Variants in OPA1 observed in about 807,000 individuals in gnomAD.
OPA1 encodes the protein dynamin-like GTPase OPA1, mitochondrial.
In OPA1, 59 loss-of-function variants were observed where a neutral mutation model predicts 152.9. The observed-to-expected ratio is 0.39, with a 90% CI of 0.31 to 0.48. The LOEUF (loss-of-function observed/expected upper bound fraction) is 0.48, where lower values mean the gene tolerates loss of function less well. Ranked by LOEUF, OPA1 falls within the 20% of genes least tolerant of loss-of-function variation. The pLI is 0.96. For synonymous variants in OPA1, 400 were observed against 389.9 expected (o/e 1.03, Z -0.31); for missense variants, 1,008 against 1,216.8 (o/e 0.83, Z 2.55).
intron 29 of OPA1, among the ~76,000 whole-genome samples, chr3:193,672,513 A>G (rs1718148472): frequency 6.6e-6 from 1 of 152,202 alleles, no homozygotes; most frequent in Admixed American, 6.5e-5. Context: ...GCGTGTAATC[A>G]GAGACTTATT....
At position 193,657,118 on chromosome 3, in the gene OPA1, T is replaced by C. The variant is rs1189876603; in HGVS notation, c.2217T>C (p.Phe739=). ...CCCTACAAGAAGAATTTTCCCGCTT[T>C]ATGACAGAACCGAAAGGGAAAGAGC... ...WETLQEEFSR[F]MTEPKGKEHD... Residue 739 remains phenylalanine (F), a synonymous_variant, in exon 23 of 31, where the codon TTT becomes TTC. Coordinates refer to ENST00000361510, the MANE Select transcript of OPA1 (RefSeq NM_130837.3). 2.5e-6 allele frequency: 4 copies of C among 1,613,980 alleles called. No individual in the cohort carries two copies. The highest frequency in any genetic ancestry group is 1.7e-5 in the Admixed American group (1 of 60,012).
Position 193,654,924 on chromosome 3 carries a change from A to G in OPA1, c.2075A>G (p.Tyr692Cys), listed in dbSNP as rs1207347731. ...TCAACTCATGTGATTGAAAACATCT[A>G]CCTTCCAGCTGCGCAGACCATGAAT... Reference protein sequence around the residue: ...RVSTHVIENIYLPAAQTMNSG... With the variant: ...RVSTHVIENICLPAAQTMNSG... The change falls in exon 22 of 31, where the codon TAC (tyrosine) becomes TGC (cysteine). Residue 692 changes from tyrosine to cysteine, a missense_variant. Physicochemically the swap from Tyr to Cys is radical, Grantham distance 194. Transcript: ENST00000361510. 6.2e-7 allele frequency: 1 copy of G among 1,613,946 alleles called. No individual in the cohort carries two copies. The highest frequency in any genetic ancestry group is 8.5e-7 in the Non-Finnish European group (1 of 1,179,912).
At chr3:193,646,799 A>G (rs907766266) in intron 18 of OPA1, among the ~76,000 whole-genome samples, 4 of 152,260 alleles carry the variant, frequency 2.6e-5, no homozygotes, top group Admixed American at 2.0e-4. Context: ...AAAATATAAC[A>G]TTAAATTTAA....
In OPA1 at chr3:193,618,438, A is replaced by G. The variant is rs572223047; in HGVS notation, c.611-431A>G. On this transcript the variant is annotated intron_variant, in intron 5 of 30. Transcript: ENST00000361510. ...GGTTGCAGTGAGCCAAGATCGCGCC[A>G]CTGCACTCCAGCCTGGGCGACAGAG... 2.6e-5 allele frequency among the ~76,000 whole-genome samples: 4 copies of G among 151,986 alleles called. No individual in the cohort carries two copies. In the South Asian group the frequency reaches 8.3e-4, roughly 32 times the overall value.
At chr3:193,643,273 G>C in intron 13 of OPA1, 100 bp from the exon 14 acceptor site, 1 of 979,000 alleles carries the variant, frequency 1.0e-6, no homozygotes, top group Non-Finnish European at 1.6e-6. Flanking sequence ...TATCTGAATG[G>C]ATGAGATATA....
chr3:193,635,119 C>T (rs1222806391), intron 8 of OPA1, among the ~76,000 whole-genome samples: 2 of 152,172 alleles, frequency 1.3e-5, no homozygotes, highest in African/African-American at 4.8e-5. Flanking sequence ...TATTTAAGAA[C>T]TACTTCTTTA....
chr3:193,647,310 T>C (rs1475335956), intron 19 of OPA1, 130 bp downstream of exon 19: 1 of 681,434 alleles, frequency 1.5e-6, no homozygotes, highest in Non-Finnish European at 2.6e-6. Context: ...TTAGACAGTA[T>C]CTGGAAAATA....
rs556711091 is a variant in OPA1 at position 193,664,980 on chromosome 3, A to G, written c.2762A>G (p.His921Arg). ...CRRGFYYYQRHFVDSELECND... is the reference protein window; with the variant it reads ...CRRGFYYYQRRFVDSELECND... ...AGAGGTTTTTATTACTACCAAAGGC[A>G]TTTTGTAGATTCTGAGGTAAGGTTT... is the stretch of plus-strand genomic sequence containing the variant. Residue 921 changes from histidine to arginine, a missense_variant, in exon 27 of 31, where the codon CAT becomes CGT. By Grantham distance (29) the His-to-Arg change is conservative. This residue lies in a region of OPA1 where 137 missense variants were observed against 171.0 expected (regional missense o/e 0.80). Coordinates refer to ENST00000361510, the MANE Select transcript of OPA1 (RefSeq NM_130837.3). 2 of 1,573,484 alleles carry G rather than the reference A, an allele frequency of 1.3e-6. No individual in the cohort carries two copies. The highest frequency in any genetic ancestry group is 4.5e-5 in the East Asian group (2 of 44,510).
At chr3:193,690,131 A>T (rs114779003) in intron 29 of OPA1, among the ~76,000 whole-genome samples, 2 of 152,082 alleles carry the variant, frequency 1.3e-5, no homozygotes, top group African/African-American at 4.8e-5. Context: ...TCTGCTGTTT[A>T]AAAAATGGAA....
In OPA1 at chr3:193,642,680, A is replaced by G. The variant is rs1733966098; in HGVS notation, c.1150-85A>G. ...GACTCTTGGATTTGTGCAATGCAGT[A>G]GCCCTGTCTAGACCACATACGGGCT... On this transcript the variant is annotated intron_variant, in intron 11 of 30. Transcript: ENST00000361510. 4.0e-6 allele frequency: 4 copies of G among 991,590 alleles called. No homozygotes were observed. In the South Asian group the frequency reaches 5.2e-5, roughly 13 times the overall value. The allele number at this position is 991,590 out of a possible 1,614,324, so 61.4% of individuals were successfully genotyped here. A position where few individuals can be genotyped will look rare whatever the true frequency, so the allele number is the denominator to read the frequency against.
At chr3:193,672,864 A>T (rs1718236660) in intron 29 of OPA1, among the ~76,000 whole-genome samples, 1 of 50,096 alleles carries the variant, frequency 2.0e-5, no homozygotes, top group African/African-American at 7.7e-5. Context: ...GCGAGACTCC[A>T]TCTCAAAAAA....
chr3:193,678,127 T>C (rs764427082), intron 29 of OPA1, among the ~76,000 whole-genome samples: 9 of 152,232 alleles, frequency 5.9e-5, no homozygotes, highest in Non-Finnish European at 1.0e-4. Flanking sequence ...TTCTCTAGTT[T>C]CAATATTCTG....
At chr3:193,642,613 A>T in intron 11 of OPA1, 152 bp from the exon 12 acceptor site, 1 of 657,334 alleles carries the variant, frequency 1.5e-6, no homozygotes. Flanking sequence ...CAGAACTACC[A>T]TGTTGACAGC....
chr3:193,682,842 GT>G (rs1183474609), intron 29 of OPA1, among the ~76,000 whole-genome samples: 3 of 152,186 alleles, frequency 2.0e-5, no homozygotes, highest in African/African-American at 7.2e-5. Flanking sequence ...GGAGATTTAT[GT>G]TGTTTTTGTG....
chr3:193,638,708 A>G (rs1408332907), intron 11 of OPA1, among the ~76,000 whole-genome samples: 1 of 152,254 alleles, frequency 6.6e-6, no homozygotes, highest in Non-Finnish European at 1.5e-5. Context: ...AATGATGTAA[A>G]CATCACACAT....
chr3:193,647,081 G>A lies in OPA1; in HGVS notation c.1771G>A (p.Ala591Thr), dbSNP rs182251953. 10 of 1,611,152 alleles carry A rather than the reference G, an allele frequency of 6.2e-6. No homozygotes were observed. In the African/African-American group the frequency reaches 1.2e-4, roughly 19 times the overall value. Residue 591 changes from alanine (A) to threonine (T), a missense_variant, in exon 19 of 31, where the codon GCA (alanine) becomes ACA (threonine). Ala to Thr is a moderately conservative substitution (Grantham distance 58). Around this residue, in one of 7 missense-constraint regions of OPA1, gnomAD observed 213 missense variants for 291.4 expected, o/e 0.73. Transcript: ENST00000361510. ...SKLLKTSMLK[A>T]HQVTTRNLSL... ...TTTTAATAGGACAAGCATGCTAAAGGCACACCAAGTGACTACAAGAAATTT... is the reference window on the plus strand; with the variant it reads ...TTTTAATAGGACAAGCATGCTAAAGACACACCAAGTGACTACAAGAAATTT...
chr3:193,642,141 C>A (rs1230984422), intron 11 of OPA1, among the ~76,000 whole-genome samples: 1 of 152,148 alleles, frequency 6.6e-6, no homozygotes, highest in East Asian at 1.9e-4. Flanking sequence ...ACAAACAAAA[C>A]AAAATTTCTT....
intron 26 of OPA1, among the ~76,000 whole-genome samples, chr3:193,663,860 G>A (rs1715891611): frequency 6.6e-6 from 1 of 152,050 alleles, no homozygotes; most frequent in African/African-American, 2.4e-5. Flanking sequence ...TGAGATGAAA[G>A]CTAATGATTA....
chr3:193,647,927 C>T (rs1313824573), intron 19 of OPA1, 143 bp from the exon 20 acceptor site: 5 of 673,622 alleles, frequency 7.4e-6, no homozygotes, highest in South Asian at 3.2e-5. Context: ...AATTCTGAGA[C>T]GTTGAGATCC....
Sources: allele counts gnomAD v4.1 joint callset (sites outside exome capture counted in the v4.1 genomes callset), GRCh38; gene constraint gnomAD v4.1.1; regional missense constraint gnomAD v4.1.1; transcripts MANE v1.5; gene names NCBI Gene and HGNC (gene_info 2026-07-23, HGNC 2026-07-21).